The following DTL variants were observed in gnomAD, a reference collection of about 807,000 sequenced individuals.
DTL encodes the protein denticleless protein homolog.
Under a neutral mutation model 87.0 loss-of-function variants are expected in DTL, and 46 were observed. The ratio of observed to expected loss-of-function variants is 0.53; its 90% confidence interval spans 0.42 to 0.68. The LOEUF is 0.68. Ranked by LOEUF, DTL falls within the 30% of genes least tolerant of loss-of-function variation. DTL has a pLI of 0.00. For missense variants in DTL, 737 were observed against 869.4 expected, an observed-to-expected ratio of 0.85 and a Z score of 1.91; for synonymous variants, 308 against 311.2, an observed-to-expected ratio of 0.99 and a Z score of 0.11.
At position 212,100,522 on chromosome 1, in the gene DTL, C is replaced by T; in HGVS notation, c.1532C>T (p.Ser511Leu). 6.2e-7 allele frequency: 1 copy of T among 1,614,048 alleles called. No individual in the cohort carries two copies. Among genetic ancestry groups the T allele is most frequent in the Non-Finnish European group, 8.5e-7 (1 of 1,180,010 alleles). Residue 511 changes from serine to leucine, a missense_variant, in exon 14 of 15, where the codon TCA becomes TTA. Ser to Leu is a moderately radical substitution (Grantham distance 145, BLOSUM62 -2). Coordinates refer to ENST00000366991, the MANE Select transcript of DTL (RefSeq NM_016448.4). ...AACTGGGTGACCCGAACACCTTCCT[C>T]ATCACCACCCATCACTCCACCTGCT... ...IRNWVTRTPS[S>L]SPPITPPASE...
intron 12 of DTL, among the ~76,000 whole-genome samples, chr1:212,078,770 CA>C (rs1196689045): frequency 6.6e-6 from 1 of 152,018 alleles, no homozygotes; most frequent in Non-Finnish European, 1.5e-5. Flanking sequence ...AGAAAGAAGA[CA>C]ATATGCCCAC....
chr1:212,036,931 CTG>C (rs1387238176), intron 1 of DTL, among the ~76,000 whole-genome samples: 1 of 152,192 alleles, frequency 6.6e-6, no homozygotes, highest in Non-Finnish European at 1.5e-5. Context: ...GAGAAAGAGA[CTG>C]AGAAGTAGTC....
intron 13 of DTL, among the ~76,000 whole-genome samples, chr1:212,094,818 T>A (rs1655398225): frequency 6.6e-6 from 1 of 152,230 alleles, no homozygotes; most frequent in Admixed American, 6.5e-5. Context: ...GTCTTTTACT[T>A]CCTTAGTTAG....
chr1:212,055,875 C>T (rs909820526), intron 5 of DTL, among the ~76,000 whole-genome samples: 9 of 152,210 alleles, frequency 5.9e-5, no homozygotes, highest in Non-Finnish European at 1.3e-4. Flanking sequence ...GAGGATTGCC[C>T]AGTTCAGTTC....
At chr1:212,090,441 A>T (rs969568486) in intron 13 of DTL, among the ~76,000 whole-genome samples, 7 of 150,726 alleles carry the variant, frequency 4.6e-5, no homozygotes, top group Non-Finnish European at 7.4e-5. Flanking sequence ...AAACTGAATT[A>T]AAAATTATAG....
intron 13 of DTL, among the ~76,000 whole-genome samples, chr1:212,081,290 C>T (rs942143805): frequency 3.9e-5 from 6 of 151,990 alleles, no homozygotes; most frequent in African/African-American, 1.2e-4. Context: ...GAAGAATATT[C>T]CAGGCAGATA....
At chr1:212,061,254 A>C (rs1378071152) in intron 5 of DTL, among the ~76,000 whole-genome samples, 1 of 152,108 alleles carries the variant, frequency 6.6e-6, no homozygotes, top group East Asian at 1.9e-4. Flanking sequence ...TCTCAAAAAA[A>C]AAAAAAAAGT....
chr1:212,097,212 C>A (rs1453481230), intron 13 of DTL, among the ~76,000 whole-genome samples: 2 of 152,158 alleles, frequency 1.3e-5, no homozygotes, highest in Non-Finnish European at 2.9e-5. Flanking sequence ...TGTAGAGTAT[C>A]TGCTGTTAAT....
intron 5 of DTL, among the ~76,000 whole-genome samples, chr1:212,060,673 T>A (rs997469697): frequency 6.7e-6 from 1 of 148,800 alleles, no homozygotes; most frequent in Non-Finnish European, 1.5e-5. Flanking sequence ...AGGCAGAAAT[T>A]GCAATGAGCC....
chr1:212,050,726 A>ACTCAAGAATG (rs78760417), intron 5 of DTL, among the ~76,000 whole-genome samples: 91,922 of 151,906 alleles, frequency 0.61, 28,295 homozygotes, highest in Non-Finnish European at 0.66. Context: ...TTAGGAGAAG[A>ACTCAAGAATG]TATTTGGCCT....
At chr1:212,056,806 G>C (rs893209468) in intron 5 of DTL, among the ~76,000 whole-genome samples, 5 of 152,032 alleles carry the variant, frequency 3.3e-5, no homozygotes, top group Admixed American at 3.3e-4. Context: ...TCATAAAATA[G>C]AGCTAAATTC....
intron 5 of DTL, among the ~76,000 whole-genome samples, chr1:212,053,678 C>T (rs777389537): frequency 6.6e-6 from 1 of 152,070 alleles, no homozygotes; most frequent in African/African-American, 2.4e-5. Flanking sequence ...CTCTGCCTCC[C>T]GGGCTCAAGT....
chr1:212,101,975 T>C (rs1655637702), intron 14 of DTL, among the ~76,000 whole-genome samples: 1 of 152,186 alleles, frequency 6.6e-6, no homozygotes, highest in Non-Finnish European at 1.5e-5. Flanking sequence ...TCACAGTAGC[T>C]CTTGTGGTGG....
chr1:212,062,633 T>C (rs1024184435), intron 5 of DTL, among the ~76,000 whole-genome samples: 1 of 152,216 alleles, frequency 6.6e-6, no homozygotes, highest in East Asian at 1.9e-4. Flanking sequence ...AACTGTACTA[T>C]ATATTTTATA....
Position 212,043,102 on chromosome 1 carries a change from A to T in DTL, c.162A>T (p.Gly54=). The change falls in exon 2 of 15, where the codon GGA becomes GGT. Residue 54 remains glycine (G), a synonymous_variant. Transcript: ENST00000366991. ...CAGGAGTCCCAGTTCCTCCTTTTGG[A>T]TGTACCTTCTCTTCTGGTAAGAGAA... The part of the protein sequence containing the change: ...GETGVPVPPF[G]CTFSSAPNME... 6.2e-7 allele frequency: 1 copy of T among 1,612,720 alleles called. No individual in the cohort carries two copies. The highest frequency in any genetic ancestry group is 1.1e-5 in the South Asian group (1 of 90,780).
At chr1:212,086,355 A>T (rs1655129009) in intron 13 of DTL, among the ~76,000 whole-genome samples, 1 of 152,204 alleles carries the variant, frequency 6.6e-6, no homozygotes, top group Non-Finnish European at 1.5e-5. Flanking sequence ...TTTTAAAAAA[A>T]AGTCATCAGT....
At chr1:212,082,303 T>G (rs1230420893) in intron 13 of DTL, among the ~76,000 whole-genome samples, 1 of 152,226 alleles carries the variant, frequency 6.6e-6, no homozygotes, top group Non-Finnish European at 1.5e-5. Flanking sequence ...CATTCATGTA[T>G]ATGACTTGGG....
At chr1:212,063,815 G>A (rs1320371800) in intron 6 of DTL, among the ~76,000 whole-genome samples, 1 of 151,830 alleles carries the variant, frequency 6.6e-6, no homozygotes, top group Non-Finnish European at 1.5e-5. Flanking sequence ...AGGATAATTG[G>A]GATATCCATC....
rs562891286 is a variant in DTL at position 212,046,453 on chromosome 1, C to A, written c.278-698C>A. 4.6e-5 allele frequency among the ~76,000 whole-genome samples: 7 copies of A among 152,186 alleles called. No homozygotes were observed. The South Asian group carries it at 6.2e-4, about 14-fold the overall frequency. On this transcript the variant is annotated intron_variant, in intron 3 of 14. Transcript: ENST00000366991. ...GATGTTCTCCCTCTCCATGCTCCCCCTCAAGAGGCCCCAGTGTGTGTTGTT... is the reference window on the plus strand; with the variant it reads ...GATGTTCTCCCTCTCCATGCTCCCCATCAAGAGGCCCCAGTGTGTGTTGTT...
Sources: allele counts gnomAD v4.1 joint callset (sites outside exome capture counted in the v4.1 genomes callset), GRCh38; gene constraint gnomAD v4.1.1; transcripts MANE v1.5; gene names NCBI Gene and HGNC (gene_info 2026-07-23, HGNC 2026-07-21).